Variants in LACTBL1 observed in about 807,000 individuals in gnomAD.
LACTBL1 encodes the protein beta-lactamase-like protein 1.
Under a neutral mutation model 39.6 loss-of-function variants are expected in LACTBL1, and 29 were observed. That is an observed-to-expected ratio of 0.73 (90% CI 0.55 to 1.00). The LOEUF (loss-of-function observed/expected upper bound fraction) is 1.00, where lower values mean the gene tolerates loss of function less well. Ranked by LOEUF, LACTBL1 falls within the 50% of genes least tolerant of loss-of-function variation. The pLI, the probability that LACTBL1 is intolerant of heterozygous loss-of-function variation, is 0.00. For synonymous variants in LACTBL1, 361 were observed against 360.7 expected, an observed-to-expected ratio of 1.00 and a Z score of -0.01; for missense variants, 711 against 748.5, an observed-to-expected ratio of 0.95 and a Z score of 0.59.
chr1:22,959,512 T>C (rs1183030510), intron 3 of LACTBL1, among the ~76,000 whole-genome samples: 1 of 152,242 alleles, frequency 6.6e-6, no homozygotes, highest in African/African-American at 2.4e-5. Context: ...GCAGGCAGCA[T>C]GCAGAAGGGG....
chr1:22,972,343 C>T, the LACTBL1 span: 1 of 985,084 alleles, frequency 1.0e-6, no homozygotes, highest in Non-Finnish European at 1.2e-6. Context: ...AAGATTCTGG[C>T]TCTTTGAGGA....
chr1:22,954,260 A>G (rs1374438801), intron 5 of LACTBL1, among the ~76,000 whole-genome samples: 1 of 152,190 alleles, frequency 6.6e-6, no homozygotes, highest in Non-Finnish European at 1.5e-5. Flanking sequence ...AGCAGGATGG[A>G]GGAGAGCTGA....
exon 6 of LACTBL1, chr1:22,953,584 T>G (rs1308192996): frequency 8.0e-7 from 1 of 1,255,862 alleles, no homozygotes; most frequent in Non-Finnish European, 9.9e-7. Context: ...GGCGTAGCCG[T>G]CCAGATCGCC....
At chr1:22,972,865 A>G in the LACTBL1 span, 1 of 985,222 alleles carries the variant, frequency 1.0e-6, no homozygotes, top group African/African-American at 1.7e-5. Flanking sequence ...GAGGACAGGA[A>G]TGGCTTCCTG....
chr1:22,959,124 G>A (rs1250185258), intron 3 of LACTBL1, among the ~76,000 whole-genome samples: 6 of 152,234 alleles, frequency 3.9e-5, no homozygotes, highest in African/African-American at 1.4e-4. Flanking sequence ...AGGGGCTGAG[G>A]TGGGATGGAT....
upstream of LACTBL1, among the ~76,000 whole-genome samples, chr1:22,965,913 G>A (rs1338605221): frequency 2.0e-5 from 3 of 152,174 alleles, no homozygotes; most frequent in Non-Finnish European, 4.4e-5. Context: ...GAGACAGAAA[G>A]TACATTACAG....
rs1195526555 is a variant in LACTBL1, at chr1:22,953,855, AGCCCGCG to A, written c.822_828del (p.Ala275SerfsTer162). 1 of 1,548,606 alleles carries A rather than the reference AGCCCGCG, an allele frequency of 6.5e-7. No homozygotes were observed. ...GGCGCCGGCCGCCCGCTGCCGTAGA[AGCCCGCG>A]GCCAGGCGCGCGCGCACGTCGGGCG... On this transcript the variant is annotated frameshift_variant, in exon 6 of 6. Transcript: ENST00000426928. LOFTEE classifies it high-confidence loss of function.
chr1:22,959,001 T>G, intron 3 of LACTBL1, 81 bp from the exon 6 acceptor site: 2 of 889,534 alleles, frequency 2.2e-6, no homozygotes. Context: ...TCCTGCAACT[T>G]TTTAGTGTTC....
chr1:22,971,099 A>G, the LACTBL1 span, among the ~76,000 whole-genome samples: 1 of 152,202 alleles, frequency 6.6e-6, no homozygotes, highest in East Asian at 1.9e-4. Flanking sequence ...CTAAGGTGTA[A>G]CCAGCAGATC....
chr1:22,972,484 G>A, the LACTBL1 span: 72 of 962,080 alleles, frequency 7.5e-5, 1 homozygote, highest in African/African-American at 1.2e-3. Context: ...GAGGGTAGAC[G>A]AGGATGCGGG....
exon 6 of LACTBL1, chr1:22,953,315 C>G (rs1294339271): frequency 5.7e-6 from 7 of 1,225,850 alleles, no homozygotes; most frequent in Non-Finnish European, 7.1e-6. Context: ...ACGCGCGGCC[C>G]GAACTGGCGC....
chr1:22,963,073 C>T, intron 2 of LACTBL1, 34 bp downstream of exon 4: 1 of 1,189,078 alleles, frequency 8.4e-7, no homozygotes, highest in East Asian at 3.2e-5. Context: ...AGGCCCAGCC[C>T]ATATGCCCAG....
At chr1:22,953,694 C>T (rs1460942194) in exon 6 of LACTBL1, 1 of 1,300,698 alleles carries the variant, frequency 7.7e-7, no homozygotes, top group Non-Finnish European at 9.7e-7. Context: ...GCAGCGGCGC[C>T]AGCAGCGTCT....
chr1:22,963,852 C>T (rs1291596152), intron 1 of LACTBL1, among the ~76,000 whole-genome samples: 1 of 152,102 alleles, frequency 6.6e-6, no homozygotes, highest in Non-Finnish European at 1.5e-5. Flanking sequence ...ATTAATACAT[C>T]CTCCTCGTCT....
At chr1:22,953,511 C>T in exon 6 of LACTBL1, 6 of 1,235,040 alleles carry the variant, frequency 4.9e-6, no homozygotes, top group Non-Finnish European at 6.1e-6. Flanking sequence ...GCCCGGGCGG[C>T]CGTGGCCCTG....
chr1:22,964,677 T>G (rs774735165), intron 1 of LACTBL1, among the ~76,000 whole-genome samples: 2 of 152,258 alleles, frequency 1.3e-5, no homozygotes, highest in Non-Finnish European at 2.9e-5. Context: ...TGACATGGGT[T>G]TCACAGAATA....
Position 22,958,867 on chromosome 1 carries a change from T to TAA in LACTBL1, c.370_371insTT (p.Glu124ValfsTer9). 1 of 1,550,482 alleles carries TAA rather than the reference T, an allele frequency of 6.4e-7. No individual in the cohort carries two copies. Among genetic ancestry groups the TAA allele is most frequent in the Non-Finnish European group, 8.7e-7 (1 of 1,146,932 alleles). ...ATCTAGGGAGGCCACGATGCCCTCC[T>TAA]CCCACAGACGGTACAGCATGAGGAC... On this transcript the variant is annotated frameshift_variant, in exon 4 of 6. Transcript: ENST00000426928. LOFTEE classifies it high-confidence loss of function.
intron 1 of LACTBL1, 62 bp downstream of exon 3, chr1:22,965,228 C>T: frequency 7.8e-7 from 1 of 1,279,230 alleles, no homozygotes; most frequent in Non-Finnish European, 1.0e-6. Context: ...GGGGTGGCAG[C>T]TCAAAGCCCA....
chr1:22,972,857 G>A, the LACTBL1 span: 10 of 985,250 alleles, frequency 1.0e-5, no homozygotes, highest in South Asian at 1.4e-4. Flanking sequence ...GTGTTCCAGA[G>A]GACAGGAATG....
Sources: allele counts gnomAD v4.1 joint callset (sites outside exome capture counted in the v4.1 genomes callset), GRCh38; gene constraint gnomAD v4.1.1; transcripts MANE v1.5; gene names NCBI Gene and HGNC (gene_info 2026-07-23, HGNC 2026-07-21).